Variants in ELAVL2 observed in about 807,000 individuals in gnomAD.
The protein encoded by ELAVL2 is ELAV-like protein 2.
In ELAVL2, 4 loss-of-function variants were observed where a neutral mutation model predicts 34.6. That is an observed-to-expected ratio of 0.12 (90% confidence interval 0.06 to 0.26). The LOEUF (loss-of-function observed/expected upper bound fraction) is 0.26, where lower values mean the gene tolerates loss of function less well. Among genes scored for constraint, ELAVL2 ranks in the 10% least tolerant of loss-of-function variants. The pLI is 1.00. For missense variants in ELAVL2, 432 were observed against 442.8 expected, an observed-to-expected ratio of 0.98 and a Z score of 0.22; for synonymous variants, 193 against 154.8, an observed-to-expected ratio of 1.25 and a Z score of -1.83.
At chr9:23,800,372 G>C (rs1268217054) in intron 1 of ELAVL2, among the ~76,000 whole-genome samples, 1 of 152,166 alleles carries the variant, frequency 6.6e-6, no homozygotes, top group East Asian at 1.9e-4. Context: ...AGGGGCCTAA[G>C]TGCACCCTTC....
chr9:23,780,332 T>C (rs1162077681), intron 1 of ELAVL2, among the ~76,000 whole-genome samples: 1 of 152,186 alleles, frequency 6.6e-6, no homozygotes, highest in Non-Finnish European at 1.5e-5. Context: ...TTTATTCAAA[T>C]ATAAACACTA....
chr9:23,824,956 C>T (rs938134754), intron 1 of ELAVL2, among the ~76,000 whole-genome samples: 5 of 152,120 alleles, frequency 3.3e-5, no homozygotes, highest in African/African-American at 9.7e-5. Context: ...AAGTCAGCCG[C>T]GTAGGACCAA....
intron 2 of ELAVL2, among the ~76,000 whole-genome samples, chr9:23,741,994 C>T (rs537057657): frequency 1.3e-5 from 2 of 152,124 alleles, no homozygotes; most frequent in East Asian, 1.9e-4. Context: ...CCTAGCAACT[C>T]CTTGTGTCCC....
chr9:23,775,751 C>A (rs1444437266), intron 1 of ELAVL2, among the ~76,000 whole-genome samples: 1 of 152,178 alleles, frequency 6.6e-6, no homozygotes, highest in East Asian at 1.9e-4. Flanking sequence ...CAAGCTCTAA[C>A]AAGCTCCCAG....
At chr9:23,788,461 C>T (rs1263926920) in intron 1 of ELAVL2, among the ~76,000 whole-genome samples, 2 of 152,122 alleles carry the variant, frequency 1.3e-5, no homozygotes, top group Non-Finnish European at 2.9e-5. Flanking sequence ...CTGACCCCTA[C>T]CATGTTTTTT....
intron 1 of ELAVL2, among the ~76,000 whole-genome samples, chr9:23,781,781 C>A (rs2059100972): frequency 6.6e-6 from 1 of 152,064 alleles, no homozygotes; most frequent in African/African-American, 2.4e-5. Context: ...GCAAACTCTG[C>A]CTCCCGGGTT....
At chr9:23,760,130 A>G (rs1038776849) in intron 2 of ELAVL2, among the ~76,000 whole-genome samples, 2 of 152,052 alleles carry the variant, frequency 1.3e-5, no homozygotes, top group South Asian at 2.1e-4. Context: ...ATTTTGCCAC[A>G]TAACAGCTCT....
intron 1 of ELAVL2, among the ~76,000 whole-genome samples, chr9:23,788,186 T>C (rs1249355460): frequency 6.6e-6 from 1 of 152,160 alleles, no homozygotes; most frequent in African/African-American, 2.4e-5. Flanking sequence ...CTAAAGCCAA[T>C]GGACCAGGAT....
rs544188838 is a variant in ELAVL2, at chr9:23,781,936, G to A, written c.-15-19687C>T. Among the ~76,000 whole-genome samples the A allele has an allele frequency of 4.0e-5, 6 of 151,894 alleles. No homozygotes were observed. In the South Asian group the frequency reaches 1.0e-3, roughly 26 times the overall value. On this transcript the variant is annotated intron_variant, in intron 1 of 6. Coordinates refer to ENST00000397312, the MANE Select transcript of ELAVL2 (RefSeq NM_004432.5). ...CCTGACCTCGTGAGCCGCCCGCCTC[G>A]GCCTCCCAAAGTGCTGGGATTACAG...
At chr9:23,755,474 T>C (rs2135754647) in intron 2 of ELAVL2, among the ~76,000 whole-genome samples, 1 of 152,282 alleles carries the variant, frequency 6.6e-6, no homozygotes, top group Admixed American at 6.5e-5. Context: ...GCAAGACCTT[T>C]GGCAAAGAAA....
intron 3 of ELAVL2, among the ~76,000 whole-genome samples, chr9:23,722,494 T>A (rs1018439688): frequency 6.6e-6 from 1 of 152,168 alleles, no homozygotes; most frequent in Admixed American, 6.5e-5. Flanking sequence ...TCTTCACTCC[T>A]AGGCAAAGAC....
intron 1 of ELAVL2, among the ~76,000 whole-genome samples, chr9:23,805,884 G>A (rs1297667195): frequency 6.6e-6 from 1 of 151,912 alleles, no homozygotes; most frequent in Non-Finnish European, 1.5e-5. Flanking sequence ...ACTTTGAAGC[G>A]GTATTAACAG....
the ELAVL2 span, among the ~76,000 whole-genome samples, chr9:23,847,679 C>G: frequency 7.2e-5 from 11 of 151,916 alleles, no homozygotes; most frequent in African/African-American, 2.7e-4. Context: ...GGTAAGTGTA[C>G]TTTTACATTT....
At chr9:23,799,424 T>C (rs2061332572) in intron 1 of ELAVL2, among the ~76,000 whole-genome samples, 1 of 152,214 alleles carries the variant, frequency 6.6e-6, no homozygotes, top group Non-Finnish European at 1.5e-5. Flanking sequence ...AAACCTGGAC[T>C]AGAACCTAGA....
intron 1 of ELAVL2, among the ~76,000 whole-genome samples, chr9:23,825,138 AC>A (rs2065217596): frequency 1.3e-5 from 2 of 152,134 alleles, no homozygotes; most frequent in African/African-American, 2.4e-5. Context: ...TTCTTTTAAA[AC>A]TGAATTATGA....
chr9:23,779,776 C>G (rs1564430091), intron 1 of ELAVL2, among the ~76,000 whole-genome samples: 1 of 151,624 alleles, frequency 6.6e-6, no homozygotes, highest in Non-Finnish European at 1.5e-5. Flanking sequence ...AAGCAGAGAC[C>G]AGGAGAAACT....
intron 3 of ELAVL2, among the ~76,000 whole-genome samples, chr9:23,714,750 T>C (rs1367975699): frequency 1.3e-5 from 2 of 152,124 alleles, no homozygotes; most frequent in Non-Finnish European, 2.9e-5. Context: ...GCATGTGAAA[T>C]GTGTTACAAG....
At chr9:23,781,243 T>C (rs748952453) in intron 1 of ELAVL2, among the ~76,000 whole-genome samples, 1 of 152,216 alleles carries the variant, frequency 6.6e-6, no homozygotes, top group Non-Finnish European at 1.5e-5. Context: ...TGAGAATTGT[T>C]TTCTGCTTTC....
At chr9:23,763,614 T>C (rs1213566978) in intron 1 of ELAVL2, among the ~76,000 whole-genome samples, 2 of 151,778 alleles carry the variant, frequency 1.3e-5, no homozygotes, top group Non-Finnish European at 2.9e-5. Context: ...GAAAAAACTG[T>C]CTTTTAAAAC....
Sources: allele counts gnomAD v4.1 joint callset (sites outside exome capture counted in the v4.1 genomes callset), GRCh38; gene constraint gnomAD v4.1.1; transcripts MANE v1.5; gene names NCBI Gene and HGNC (gene_info 2026-07-23, HGNC 2026-07-21).